The following CHRM3 variants were observed in gnomAD, a reference collection of about 807,000 sequenced individuals.
The protein encoded by CHRM3 is cholinergic receptor muscarinic 3.
CHRM3 carries 11 observed loss-of-function variants against 41.8 expected under a neutral mutation model. The ratio of observed to expected loss-of-function variants is 0.26; its 90% CI spans 0.17 to 0.44. CHRM3 has a LOEUF of 0.44. Ranked by LOEUF, CHRM3 falls within the 20% of genes least tolerant of loss-of-function variation. CHRM3 has a pLI of 1.00. For missense variants in CHRM3, 571 were observed against 745.4 expected, an observed-to-expected ratio of 0.77 and a Z score of 2.72; for synonymous variants, 297 against 301.4, an observed-to-expected ratio of 0.99 and a Z score of 0.15.
At chr1:239,790,115 A>C (rs942872968) in intron 5 of CHRM3, among the ~76,000 whole-genome samples, 2 of 152,134 alleles carry the variant, frequency 1.3e-5, no homozygotes, top group African/African-American at 2.4e-5. Context: ...GAAGTAACTA[A>C]CTTGCTTTTG....
At chr1:239,517,644 C>T (rs1200178254) in intron 2 of CHRM3, among the ~76,000 whole-genome samples, 1 of 152,118 alleles carries the variant, frequency 6.6e-6, no homozygotes, top group Non-Finnish European at 1.5e-5. Context: ...CTAGAAGAGT[C>T]ATGGAGTTAC....
chr1:239,808,985 C>T (rs916132703), intron 5 of CHRM3, among the ~76,000 whole-genome samples: 1 of 150,958 alleles, frequency 6.6e-6, no homozygotes, highest in African/African-American at 2.4e-5. Flanking sequence ...TTTCCCTCAC[C>T]CTGTCAAAGT....
intron 2 of CHRM3, among the ~76,000 whole-genome samples, chr1:239,542,608 G>A (rs1572656343): frequency 6.6e-6 from 1 of 152,146 alleles, no homozygotes; most frequent in Non-Finnish European, 1.5e-5. Context: ...TGCAAGTGAG[G>A]CTGTTGAATA....
At position 239,908,402 on chromosome 1, in the gene CHRM3, C is replaced by T; in HGVS notation, c.951C>T (p.Thr317=). The T allele has an allele frequency of 1.2e-6, 2 of 1,614,070 alleles. No individual in the cohort carries two copies. Among genetic ancestry groups the T allele is most frequent in the Non-Finnish European group, 1.7e-6 (2 of 1,180,038 alleles). The change falls in exon 7 of 7, where the codon ACC becomes ACT. Residue 317 remains threonine, a synonymous_variant. Transcript: ENST00000676153. This position sits in a 1 kb window ranked among gnomAD's most constrained non-coding sequence, Gnocchi z 7.2. Reference sequence around the variant, plus strand: ...GCCGCTGCCACTTCTGGTTCACAACCAAGAGCTGGAAACCCAGCTCCGAGC... The same window carrying T: ...GCCGCTGCCACTTCTGGTTCACAACTAAGAGCTGGAAACCCAGCTCCGAGC... ...KYGRCHFWFT[T]KSWKPSSEQM...
At chr1:239,650,000 T>G (rs1294048700) in intron 4 of CHRM3, among the ~76,000 whole-genome samples, 1 of 152,218 alleles carries the variant, frequency 6.6e-6, no homozygotes, top group African/African-American at 2.4e-5. Flanking sequence ...TGTGCACAGT[T>G]ACTGAGCTCA....
intron 1 of CHRM3, among the ~76,000 whole-genome samples, chr1:239,485,572 A>C: frequency 6.6e-6 from 1 of 152,292 alleles, no homozygotes; most frequent in South Asian, 2.1e-4. Context: ...GAGCCACCAC[A>C]CCTGGCTCCC....
chr1:239,426,422 A>G (rs1390453428), intron 1 of CHRM3, among the ~76,000 whole-genome samples: 1 of 150,056 alleles, frequency 6.7e-6, no homozygotes, highest in Non-Finnish European at 1.5e-5. Flanking sequence ...CTGGGAAGCC[A>G]GTCATGAATG....
At chr1:239,390,819 G>T (rs929768344) in intron 1 of CHRM3, among the ~76,000 whole-genome samples, 1 of 152,162 alleles carries the variant, frequency 6.6e-6, no homozygotes, top group African/African-American at 2.4e-5. Context: ...ATCTCCATTA[G>T]TGTTGTCTTC....
At chr1:239,579,485 A>G (rs1381574120) in intron 3 of CHRM3, among the ~76,000 whole-genome samples, 1 of 152,190 alleles carries the variant, frequency 6.6e-6, no homozygotes, top group African/African-American at 2.4e-5. Flanking sequence ...AGCCTTATCT[A>G]AGGACTATCA....
intron 3 of CHRM3, among the ~76,000 whole-genome samples, chr1:239,610,518 G>A (rs1435578458): frequency 6.6e-6 from 1 of 152,100 alleles, no homozygotes; most frequent in Non-Finnish European, 1.5e-5. Context: ...GCAAAACATT[G>A]TAGCTGCATG....
intron 2 of CHRM3, among the ~76,000 whole-genome samples, chr1:239,501,826 G>A (rs761912410): frequency 4.6e-5 from 7 of 152,132 alleles, no homozygotes; most frequent in Non-Finnish European, 1.0e-4. Context: ...CTGCACTCCA[G>A]CCTGGGCGAC....
intron 5 of CHRM3, among the ~76,000 whole-genome samples, chr1:239,687,704 C>G (rs1659280246): frequency 6.6e-6 from 1 of 152,074 alleles, no homozygotes; most frequent in Admixed American, 6.6e-5. Flanking sequence ...TAGAACAGTG[C>G]TCCCATAACA....
chr1:239,741,722 A>G (rs777092802), intron 5 of CHRM3, among the ~76,000 whole-genome samples: 2 of 152,126 alleles, frequency 1.3e-5, no homozygotes, highest in Non-Finnish European at 2.9e-5. Flanking sequence ...CTACACACAT[A>G]TGTACCATGC....
At chr1:239,618,273 C>G (rs377119323) in intron 3 of CHRM3, among the ~76,000 whole-genome samples, 1 of 113,048 alleles carries the variant, frequency 8.8e-6, no homozygotes, top group African/African-American at 3.9e-5. Flanking sequence ...CTTTTTTTTT[C>G]TTTCTTTTTT....
At chr1:239,634,632 A>C (rs772040895) in intron 4 of CHRM3, among the ~76,000 whole-genome samples, 7 of 152,104 alleles carry the variant, frequency 4.6e-5, no homozygotes, top group Non-Finnish European at 7.4e-5. Context: ...TCATAGAATT[A>C]AGTATTCTCC....
At chr1:239,680,704 G>T (rs1658474051) in intron 5 of CHRM3, among the ~76,000 whole-genome samples, 1 of 139,152 alleles carries the variant, frequency 7.2e-6, no homozygotes, top group South Asian at 2.1e-4. Flanking sequence ...AATTTGGTGT[G>T]TGCATGTGTG....
At chr1:239,634,870 AT>A (rs1307116381) in intron 4 of CHRM3, among the ~76,000 whole-genome samples, 2 of 152,204 alleles carry the variant, frequency 1.3e-5, no homozygotes, top group Admixed American at 6.5e-5. Flanking sequence ...TTTTGGCATT[AT>A]AAAAAGCCAT....
intron 1 of CHRM3, among the ~76,000 whole-genome samples, chr1:239,409,107 T>C (rs1660872699): frequency 6.6e-6 from 1 of 152,234 alleles, no homozygotes; most frequent in African/African-American, 2.4e-5. Flanking sequence ...TTGAAGATAC[T>C]GTATTCTTTT....
At chr1:239,388,934 A>G (rs1372166369) in intron 1 of CHRM3, among the ~76,000 whole-genome samples, 2 of 152,234 alleles carry the variant, frequency 1.3e-5, no homozygotes, top group South Asian at 2.1e-4. Context: ...AGTGGTTTCC[A>G]TATGGAAATA....
Sources: gnomAD v4.1 joint callset for allele counts (sites outside exome capture counted in the v4.1 genomes callset) on GRCh38, gnomAD v4.1.1 for gene constraint, Gnocchi (gnomAD v3.1) non-coding constraint, MANE v1.5 for transcripts, NCBI Gene and HGNC (gene_info 2026-07-23, HGNC 2026-07-21) for gene names.